Variants in NF1 observed in about 807,000 individuals in gnomAD.
The protein encoded by NF1 is neurofibromin.
A neutral mutation model predicts 325.7 loss-of-function variants in NF1; 122 were observed. That is an observed-to-expected ratio of 0.37 (90% CI 0.32 to 0.44). The LOEUF (loss-of-function observed/expected upper bound fraction) is 0.44. Ranked by LOEUF, NF1 falls within the 20% of genes least tolerant of loss-of-function variation. The pLI, the probability that NF1 is intolerant of heterozygous loss-of-function variation, is 1.00. For missense variants in NF1, 2,140 were observed against 3,415.4 expected, an observed-to-expected ratio of 0.63 and a Z score of 9.31; for synonymous variants, 1,091 against 1,186.0, an observed-to-expected ratio of 0.92 and a Z score of 1.65.
intron 29 of NF1, 125 bp downstream of exon 29, chr17:31,236,146 A>G (rs376949902): frequency 1.1e-5 from 8 of 699,874 alleles, no homozygotes; most frequent in East Asian, 5.5e-5. Flanking sequence ...TTTTAATTAT[A>G]AAAGTTATAT....
intron 1 of NF1, among the ~76,000 whole-genome samples, chr17:31,143,939 A>C (rs1446261659): frequency 6.6e-6 from 1 of 151,876 alleles, no homozygotes; most frequent in East Asian, 1.9e-4. Flanking sequence ...CTCCCGCCTC[A>C]GCCTCCCAAG....
At chr17:31,258,725 A>G (rs1272718250) in intron 32 of NF1, among the ~76,000 whole-genome samples, 1 of 152,154 alleles carries the variant, frequency 6.6e-6, no homozygotes, top group African/African-American at 2.4e-5. Context: ...GTCTTGTGTT[A>G]TGAAGATCAT....
At chr17:31,341,509 C>A (rs543525968) in intron 47 of NF1, among the ~76,000 whole-genome samples, 1 of 151,394 alleles carries the variant, frequency 6.6e-6, no homozygotes, top group Admixed American at 6.6e-5. Flanking sequence ...GGCAACAGAG[C>A]AAGACCCTGT....
chr17:31,182,756 C>G (rs2143788497), intron 8 of NF1, 91 bp downstream of exon 8: 2 of 1,231,200 alleles, frequency 1.6e-6, no homozygotes, highest in Non-Finnish European at 2.3e-6. Context: ...ATTATTTAAG[C>G]AAAGTATTTC....
At position 31,229,305 on chromosome 17, in the gene NF1, G is replaced by A. The variant is rs863224658; in HGVS notation, c.2690G>A (p.Arg897Gln). ...ACACCTGTCAGCAAATTTATGGATC[G>A]GCTGTTGTCCTTAATGGTGTGTAAC... ...ADTPVSKFMDRLLSLMVCNHE... is the reference protein window; with the variant it reads ...ADTPVSKFMDQLLSLMVCNHE... The change falls in exon 21 of 58, where the codon CGG (arginine) becomes CAG (glutamine). Residue 897 changes from arginine to glutamine, a missense_variant. By Grantham distance (43) the Arg-to-Gln change is conservative (BLOSUM62 1). Transcript: ENST00000358273. 2.5e-6 allele frequency: 4 copies of A among 1,613,722 alleles called. No individual in the cohort carries two copies. The highest frequency in any genetic ancestry group is 1.1e-5 in the South Asian group (1 of 91,064).
chr17:31,192,331 A>G (rs1409701889), intron 8 of NF1, among the ~76,000 whole-genome samples: 1 of 152,234 alleles, frequency 6.6e-6, no homozygotes, highest in East Asian at 1.9e-4. Flanking sequence ...TTAGGAAGGC[A>G]TGAAACATCA....
At chr17:31,248,220 C>CCAAAAA (rs2067432337) in intron 29 of NF1, among the ~76,000 whole-genome samples, 2 of 126,194 alleles carry the variant, frequency 1.6e-5, no homozygotes, top group Non-Finnish European at 3.3e-5. Context: ...CACCCCCCAC[C>CCAAAAA]AAAAAAAAAA....
intron 1 of NF1, among the ~76,000 whole-genome samples, chr17:31,139,835 T>C (rs1292496562): frequency 1.3e-5 from 2 of 152,176 alleles, no homozygotes; most frequent in African/African-American, 4.8e-5. Context: ...TATTTTACAG[T>C]TCAAGTTTGT....
Position 31,326,066 on chromosome 17 carries a change from G to C in NF1, c.5082G>C (p.Glu1694Asp), listed in dbSNP as rs2151538412. Residue 1694 changes from glutamate (E) to aspartate (D), a missense_variant, in exon 37 of 58, where the codon GAG becomes GAC. This residue lies in a region of NF1 where 147 missense variants were observed against 186.7 expected (regional missense o/e 0.79). Transcript: ENST00000358273. ...SWVREYTKYH[E>D]RLLTGLKGSK... ...TCAGGGAGTACACCAAGTATCATGA[G>C]CGGCTGCTGACTGGCCTCAAAGGTA... 6.2e-7 allele frequency: 1 copy of C among 1,614,106 alleles called. No homozygotes were observed.
At chr17:31,313,579 G>A (rs1052031508) in intron 36 of NF1, among the ~76,000 whole-genome samples, 3 of 151,724 alleles carry the variant, frequency 2.0e-5, no homozygotes, top group African/African-American at 7.3e-5. Flanking sequence ...GGTGGTGGGC[G>A]CCTGTAATCC....
At chr17:31,192,243 T>C (rs1200118222) in intron 8 of NF1, among the ~76,000 whole-genome samples, 1 of 152,256 alleles carries the variant, frequency 6.6e-6, no homozygotes, top group Non-Finnish European at 1.5e-5. Context: ...CGAGTGACCA[T>C]GGCCCGTGAC....
chr17:31,219,253 A>G, intron 14 of NF1, 135 bp downstream of exon 14: 1 of 875,956 alleles, frequency 1.1e-6, no homozygotes, highest in African/African-American at 1.7e-5. Flanking sequence ...ATGTCTATAC[A>G]TTGTTTTATA....
At chr17:31,284,063 G>T (rs971690361) in intron 36 of NF1, among the ~76,000 whole-genome samples, 1 of 152,120 alleles carries the variant, frequency 6.6e-6, no homozygotes, top group African/African-American at 2.4e-5. Context: ...AAATGTTAGT[G>T]GTTGCAGTCC....
chr17:31,359,154 A>T, intron 56 of NF1, 139 bp downstream of exon 56: 1 of 754,050 alleles, frequency 1.3e-6, no homozygotes, highest in Non-Finnish European at 2.2e-6. Flanking sequence ...TTTTATAAAA[A>T]GTTTCTCATC....
In NF1 at chr17:31,219,107, G is replaced by A; in HGVS notation, c.1630G>A (p.Glu544Lys). 1 of 1,613,478 alleles carries A rather than the reference G, an allele frequency of 6.2e-7. No individual in the cohort carries two copies. The highest frequency in any genetic ancestry group is 8.5e-7 in the Non-Finnish European group (1 of 1,179,720). ...PQSHMPEIAQ[E>K]AMEALLVLHQ... ...GTCACACATGCCAGAGATTGCTCAG[G>A]AAGCAATGGAGGTAAGGGGAAAATG... Residue 544 changes from glutamate to lysine, a missense_variant, in exon 14 of 58, where the codon GAA becomes AAA. Transcript: ENST00000358273.
rs1555608761 is a variant in NF1 at position 31,181,775 on chromosome 17, T to A, written c.720T>A (p.Thr240=). The A allele has an allele frequency of 6.2e-7, 1 of 1,604,364 alleles. No individual in the cohort carries two copies. The highest frequency in any genetic ancestry group is 8.5e-7 in the Non-Finnish European group (1 of 1,171,630). ...CAAAACTGTACCAGATCCCACAGAC[T>A]GATATGGCTGGTAAGGATACGATTG... is the stretch of plus-strand genomic sequence containing the variant. The part of the protein sequence containing the change: ...EFTKLYQIPQ[T]DMAECAEKLF... The change falls in exon 7 of 58, where the codon ACT becomes ACA. Residue 240 remains threonine, a synonymous_variant. Coordinates refer to ENST00000358273, the MANE Select transcript of NF1 (RefSeq NM_001042492.3).
At chr17:31,318,278 C>T (rs758863309) in intron 36 of NF1, 4 of 1,580,042 alleles carry the variant, frequency 2.5e-6, no homozygotes, top group Admixed American at 1.9e-5. Flanking sequence ...TAAGCCTTCT[C>T]ATTGCTACTT....
At chr17:31,360,726 T>A (rs2070378241) in intron 57 of NF1, 23 bp downstream of exon 57, 2 of 1,578,688 alleles carry the variant, frequency 1.3e-6, no homozygotes, top group East Asian at 4.5e-5. Context: ...GATCTTTATA[T>A]GACTTTGAGC....
In NF1 at chr17:31,336,826, A is replaced by G. The variant is rs2151554880; in HGVS notation, c.6339A>G (p.Thr2113=). The G allele has an allele frequency of 1.2e-6, 2 of 1,614,026 alleles. No homozygotes were observed. Among genetic ancestry groups the G allele is most frequent in the East Asian group, 2.2e-5 (1 of 44,872 alleles). The part of the protein sequence containing the change: ...LFHVVTFLVA[T]GPLSLRASTH... ...ACGTTGTTACTTTCTTAGTAGCCAC[A>G]GGTCCGCTCTCCCTTAGAGCTTCCA... The change falls in exon 42 of 58, where the codon ACA becomes ACG. Residue 2113 remains threonine, a synonymous_variant. Coordinates refer to ENST00000358273, the MANE Select transcript of NF1 (RefSeq NM_001042492.3). This position sits in a 1 kb window ranked among gnomAD's most constrained non-coding sequence, Gnocchi z 5.5.
Sources: allele counts gnomAD v4.1 joint callset (sites outside exome capture counted in the v4.1 genomes callset), GRCh38; gene constraint gnomAD v4.1.1; regional missense constraint gnomAD v4.1.1; non-coding constraint Gnocchi (gnomAD v3.1); transcripts MANE v1.5; gene names NCBI Gene and HGNC (gene_info 2026-07-23, HGNC 2026-07-21).